CELSR1: variants seen among roughly 807,000 people sequenced by gnomAD.
CELSR1 encodes cadherin EGF LAG seven-pass G-type receptor 1.
A neutral mutation model predicts 249.1 loss-of-function variants in CELSR1; 110 were observed. The observed-to-expected ratio is 0.44, with a 90% CI of 0.38 to 0.52. CELSR1 has a LOEUF of 0.52. Ranked by LOEUF, CELSR1 falls within the 20% of genes least tolerant of loss-of-function variation. CELSR1 has a pLI of 0.00. For synonymous variants in CELSR1, 2,113 were observed against 1,900.0 expected (o/e 1.11, Z -2.92); for missense variants, 4,109 against 4,296.4 (o/e 0.96, Z 1.22).
Position 46,402,320 on chromosome 22 carries a change from G to T in CELSR1, c.5227-2418C>A, listed in dbSNP as rs1372824047. Among the ~76,000 whole-genome samples the T allele has an allele frequency of 6.6e-6, 1 of 151,558 alleles. No individual in the cohort carries two copies. The highest frequency in any genetic ancestry group is 2.4e-5 in the African/African-American group (1 of 41,242). ...TAAACTCCACCTCCCAGGTTCAAGT[G>T]ATTCTCCTGCCTCAGCCTCCCGAGT... is the stretch of plus-strand genomic sequence containing the variant. On this transcript the variant is annotated intron_variant, in intron 9 of 34. Transcript: ENST00000674500. This position sits in a 1 kb window ranked among gnomAD's most constrained non-coding sequence, Gnocchi z 5.0.
At chr22:46,462,645 CAA>C (rs10541493) in intron 2 of CELSR1, 454 of 164,624 alleles carry the variant, frequency 2.8e-3, no homozygotes, top group Middle Eastern at 0.011. Context: ...AGAGAGCTTT[CAA>C]AAAAAAAAAA....
chr22:46,373,026 TGGA>T lies in CELSR1; in HGVS notation c.7613_7615del (p.Leu2538del). 1 of 1,610,336 alleles carries T rather than the reference TGGA, an allele frequency of 6.2e-7. No individual in the cohort carries two copies. The highest frequency in any genetic ancestry group is 8.5e-7 in the Non-Finnish European group (1 of 1,178,610). On this transcript the variant is annotated inframe_deletion, in exon 25 of 35. Coordinates refer to ENST00000674500, the MANE Select transcript of CELSR1 (RefSeq NM_001378328.1). ...GGCAAAGGTGCTCATGTAGATGTAG[TGGA>T]GGAGGATGGCAACCACTGTGCACAG... is the stretch of plus-strand genomic sequence containing the variant.
At chr22:46,465,855 A>T (rs2080090856) in intron 1 of CELSR1, among the ~76,000 whole-genome samples, 1 of 152,218 alleles carries the variant, frequency 6.6e-6, no homozygotes, top group African/African-American at 2.4e-5. Flanking sequence ...TCACACCCAG[A>T]AACGCAGGCC....
At position 46,445,004 on chromosome 22, in the gene CELSR1, G is replaced by A. The variant is rs6007912; in HGVS notation, c.4184-5593C>T. Among the ~76,000 whole-genome samples the A allele has an allele frequency of 2.0e-5, 3 of 151,826 alleles. No homozygotes were observed. The highest frequency in any genetic ancestry group is 4.4e-5 in the Non-Finnish European group (3 of 67,956). On this transcript the variant is annotated intron_variant, in intron 2 of 34. Transcript: ENST00000674500. This position sits in a 1 kb window ranked among gnomAD's most constrained non-coding sequence, Gnocchi z 4.4. ...GTGGATCACCTGAGATCAGGGGTTCGCGAGCCTGGCCAACATGGTGAAACC... is the reference window on the plus strand; with the variant it reads ...GTGGATCACCTGAGATCAGGGGTTCACGAGCCTGGCCAACATGGTGAAACC...
At position 46,488,881 on chromosome 22, in the gene CELSR1, G is replaced by A. The variant is rs1157054467; in HGVS notation, c.3545-24536C>T. ...TCACCGTGTTAGCCAGGATGGTCTC[G>A]ATCTCCTGACCTCATGATCCGCCTG... is the stretch of plus-strand genomic sequence containing the variant. On this transcript the variant is annotated intron_variant, in intron 1 of 34. Transcript: ENST00000674500. This position sits in a 1 kb window ranked among gnomAD's most constrained non-coding sequence, Gnocchi z 4.7. Among the ~76,000 whole-genome samples the A allele has an allele frequency of 6.6e-6, 1 of 151,934 alleles. No homozygotes were observed. Among genetic ancestry groups the A allele is most frequent in the Non-Finnish European group, 1.5e-5 (1 of 67,992 alleles).
chr22:46,523,772 A>C (rs900036283), intron 1 of CELSR1, among the ~76,000 whole-genome samples: 3 of 152,060 alleles, frequency 2.0e-5, no homozygotes, highest in Admixed American at 6.6e-5. Context: ...AAGAGCCTCC[A>C]GCTCTGACCA....
intron 12 of CELSR1, among the ~76,000 whole-genome samples, chr22:46,397,370 C>G (rs529250286): frequency 6.4e-4 from 97 of 150,956 alleles, no homozygotes; most frequent in Middle Eastern, 3.4e-3. Flanking sequence ...ATCCACCCAC[C>G]TCGGCCTCCC....
rs1024249248 is a variant in CELSR1, at chr22:46,525,167, G to A, written c.3544+8460C>T. ...CACTGAATTAAAGAGGGTCGTTTACGGCTGGGCGTGGTGGCTCACGCCTAT... is the reference window on the plus strand; with the variant it reads ...CACTGAATTAAAGAGGGTCGTTTACAGCTGGGCGTGGTGGCTCACGCCTAT... On this transcript the variant is annotated intron_variant, in intron 1 of 34. Transcript: ENST00000674500. Among the ~76,000 whole-genome samples the A allele has an allele frequency of 6.6e-5, 10 of 152,210 alleles. No individual in the cohort carries two copies. The South Asian group carries it at 8.3e-4, about 13-fold the overall frequency.
chr22:46,415,945 A>C (rs373317837), intron 5 of CELSR1, among the ~76,000 whole-genome samples: 18 of 152,338 alleles, frequency 1.2e-4, no homozygotes, highest in African/African-American at 4.1e-4. Context: ...TCTCCGCTGA[A>C]AGGCCGGCGT....
In CELSR1 at chr22:46,491,262, CTT is replaced by C. The variant is rs58492957; in HGVS notation, c.3545-26919_3545-26918del. Among the ~76,000 whole-genome samples the C allele has an allele frequency of 4.5e-3, 533 of 118,534 alleles. 1 individual carries two copies. The highest frequency in any genetic ancestry group is 0.011 in the African/African-American group (323 of 30,494). The allele number at this position is 118,534 out of a possible 152,430, so 77.8% of individuals were successfully genotyped here. On this transcript the variant is annotated intron_variant, in intron 1 of 34. Coordinates refer to ENST00000674500, the MANE Select transcript of CELSR1 (RefSeq NM_001378328.1). Reference sequence around the variant, plus strand: ...CTAAAGAAATCTAGCCAGAAAGTCACTTTTTTTTTTTTTTTTTTTGAGACAGA... The same window carrying C: ...CTAAAGAAATCTAGCCAGAAAGTCACTTTTTTTTTTTTTTTTTGAGACAGA...
At chr22:46,392,963 G>A (rs190950209) in intron 14 of CELSR1, among the ~76,000 whole-genome samples, 42 of 152,284 alleles carry the variant, frequency 2.8e-4, no homozygotes, top group Non-Finnish European at 4.4e-4. Flanking sequence ...ATCTGGTGAC[G>A]TGTGGACCGA....
intron 1 of CELSR1, among the ~76,000 whole-genome samples, chr22:46,478,038 C>A (rs1173557152): frequency 6.6e-6 from 1 of 152,174 alleles, no homozygotes; most frequent in Non-Finnish European, 1.5e-5. Flanking sequence ...CCTGCCAGGG[C>A]AGCAGCACAC....
At chr22:46,385,241 T>C (rs2079019958) in intron 19 of CELSR1, among the ~76,000 whole-genome samples, 1 of 152,180 alleles carries the variant, frequency 6.6e-6, no homozygotes, top group Non-Finnish European at 1.5e-5. Context: ...TACAGGAGCA[T>C]GCTACCACAC....
chr22:46,518,804 G>A lies in CELSR1; in HGVS notation c.3544+14823C>T, dbSNP rs567730471. ...ATCCAGCACTTTGGGAGGCCAAGGC[G>A]GGTGGATCACTTGAGGTCAGGAGTT... is the stretch of plus-strand genomic sequence containing the variant. On this transcript the variant is annotated intron_variant, in intron 1 of 34. Transcript: ENST00000674500. The surrounding 1 kb of genome is among the most constrained non-coding windows in gnomAD (Gnocchi z 5.2). Among the ~76,000 whole-genome samples the A allele has an allele frequency of 5.3e-5, 8 of 152,278 alleles. No individual in the cohort carries two copies. The highest frequency in any genetic ancestry group is 1.3e-4 in the Admixed American group (2 of 15,292).
Position 46,386,506 on chromosome 22 carries a change from C to T in CELSR1, c.6635G>A (p.Gly2212Asp), listed in dbSNP as rs1431247601. Reference protein sequence around the residue: ...AWEQIQRSEGGTAQLLRRLEG... With the variant: ...AWEQIQRSEGDTAQLLRRLEG... ...GAGGCGCCGGAGCAGCTGTGCCGTG[C>T]CGCCCTCGCTCCGCTGGATCTGCTC... The change falls in exon 19 of 35, where the codon GGC becomes GAC. Residue 2212 changes from glycine (G) to aspartate (D), a missense_variant. Physicochemically the swap from Gly to Asp is moderately conservative, Grantham distance 94. Transcript: ENST00000674500. The T allele has an allele frequency of 1.3e-6, 2 of 1,597,764 alleles. No homozygotes were observed. Among genetic ancestry groups the T allele is most frequent in the Non-Finnish European group, 1.7e-6 (2 of 1,173,122 alleles).
Position 46,504,734 on chromosome 22 carries a change from T to C in CELSR1, c.3544+28893A>G, listed in dbSNP as rs569447633. ...TTAGCACAAATATTCCCGAGGCCAT[T>C]TGACCACGGTTATCAAATGTGAGGT... On this transcript the variant is annotated intron_variant, in intron 1 of 34. Transcript: ENST00000674500. Among the ~76,000 whole-genome samples, 57 of 152,266 alleles carry C rather than the reference T, an allele frequency of 3.7e-4. No homozygotes were observed. The South Asian group carries it at 0.01, about 28-fold the overall frequency.
rs918389440 is a variant in CELSR1 at position 46,445,291 on chromosome 22, C to T, written c.4184-5880G>A. ...GGTGGATCACCTGAGGTCAGGAGTT[C>T]GAGACCAGCCTGGCCAATGTGACAA... is the stretch of plus-strand genomic sequence containing the variant. On this transcript the variant is annotated intron_variant, in intron 2 of 34. Transcript: ENST00000674500. This position sits in a 1 kb window ranked among gnomAD's most constrained non-coding sequence, Gnocchi z 4.4. 6.6e-6 allele frequency among the ~76,000 whole-genome samples: 1 copy of T among 152,002 alleles called. No homozygotes were observed. The highest frequency in any genetic ancestry group is 1.5e-5 in the Non-Finnish European group (1 of 68,002).
intron 1 of CELSR1, among the ~76,000 whole-genome samples, chr22:46,465,035 T>A (rs2080081276): frequency 6.6e-6 from 1 of 152,076 alleles, no homozygotes; most frequent in Admixed American, 6.5e-5. Context: ...CATCATCAAG[T>A]GAGGTACTTA....
intron 1 of CELSR1, among the ~76,000 whole-genome samples, chr22:46,494,347 G>C (rs2080394386): frequency 6.6e-6 from 1 of 152,102 alleles, no homozygotes; most frequent in Non-Finnish European, 1.5e-5. Flanking sequence ...GAATCAGATT[G>C]TCAATTTTTT....
Sources: allele counts gnomAD v4.1 joint callset (sites outside exome capture counted in the v4.1 genomes callset), GRCh38; gene constraint gnomAD v4.1.1; non-coding constraint Gnocchi (gnomAD v3.1); transcripts MANE v1.5; gene names NCBI Gene and HGNC (gene_info 2026-07-23, HGNC 2026-07-21).